IQSEC1: variants seen among roughly 807,000 people sequenced by gnomAD.
IQSEC1 encodes IQ motif and Sec7 domain ArfGEF 1, also known as IQ motif and SEC7 domain-containing protein 1.
In IQSEC1, 31 loss-of-function variants were observed where a neutral mutation model predicts 91.0. The observed-to-expected ratio is 0.34, with a 90% CI of 0.26 to 0.46. The LOEUF is 0.46. Among genes scored for constraint, IQSEC1 ranks in the 20% least tolerant of loss-of-function variants. The pLI is 1.00. For synonymous variants in IQSEC1, 699 were observed against 662.6 expected (o/e 1.05, Z -0.84); for missense variants, 1,388 against 1,575.6 (o/e 0.88, Z 2.02).
At position 13,008,619 on chromosome 3, in the gene IQSEC1, GTGTT is replaced by G. The variant is rs765226407; in HGVS notation, c.23+64369_23+64372del. Among the ~76,000 whole-genome samples the G allele has an allele frequency of 4.6e-5, 7 of 152,178 alleles. No homozygotes were observed. The South Asian group carries it at 6.2e-4, about 14-fold the overall frequency. ...TGTGATGTTGGAAATGCTCGTTTGTGTGTTTGTTTACTTGTCACCTCTCTGCCTC... is the reference window on the plus strand; with the variant it reads ...TGTGATGTTGGAAATGCTCGTTTGTGTGTTTACTTGTCACCTCTCTGCCTC... On this transcript the variant is annotated intron_variant, in intron 1 of 13. Transcript: ENST00000613206. This position sits in a 1 kb window ranked among gnomAD's most constrained non-coding sequence, Gnocchi z 4.1.
chr3:13,194,797 A>G (rs985745808), intron 1 of IQSEC1, among the ~76,000 whole-genome samples: 3 of 152,204 alleles, frequency 2.0e-5, no homozygotes, highest in African/African-American at 4.8e-5. Context: ...CCAGGCTCAG[A>G]CATCCGCAGG....
intron 2 of IQSEC1, among the ~76,000 whole-genome samples, chr3:13,087,375 G>C (rs1705754212): frequency 6.6e-6 from 1 of 152,186 alleles, no homozygotes; most frequent in East Asian, 1.9e-4. Flanking sequence ...GTGCAGGAGA[G>C]GCTCTCGGTG....
chr3:12,916,945 C>T (rs1011616360), intron 6 of IQSEC1, among the ~76,000 whole-genome samples: 2 of 152,156 alleles, frequency 1.3e-5, no homozygotes, highest in African/African-American at 2.4e-5. Context: ...CTTGCATGAG[C>T]GGAGCACAAC....
At chr3:12,943,625 T>G (rs1017220742) in intron 1 of IQSEC1, among the ~76,000 whole-genome samples, 11 of 152,068 alleles carry the variant, frequency 7.2e-5, no homozygotes, top group African/African-American at 2.2e-4. Context: ...TCCTGGTGCC[T>G]CCTTCAGACC....
chr3:13,242,237 C>T (rs530221712), intron 1 of IQSEC1, among the ~76,000 whole-genome samples: 5 of 152,240 alleles, frequency 3.3e-5, no homozygotes, highest in Admixed American at 6.5e-5. Context: ...CAGGTCTCCG[C>T]GGCTGTGATG....
intron 1 of IQSEC1, among the ~76,000 whole-genome samples, chr3:13,071,155 TTTTTTTTTTTTG>T (rs1705407967): frequency 3.4e-5 from 4 of 118,226 alleles, no homozygotes; most frequent in East Asian, 3.3e-4. Flanking sequence ...TTTTTTTTGT[TTTTTTTTTTTTG>T]TTTGTTTCTT....
chr3:13,015,602 G>T (rs953338647), intron 1 of IQSEC1: 22 of 985,246 alleles, frequency 2.2e-5, no homozygotes, highest in Non-Finnish European at 2.5e-5. Flanking sequence ...GGGGGCGGAG[G>T]TGTCCCTGGA....
chr3:13,249,034 G>A (rs1044562857), intron 1 of IQSEC1, among the ~76,000 whole-genome samples: 5 of 152,122 alleles, frequency 3.3e-5, no homozygotes, highest in Non-Finnish European at 7.3e-5. Flanking sequence ...TCTACCTCCT[G>A]ACTCAGACTG....
At chr3:13,116,496 T>C (rs1056803243) in intron 2 of IQSEC1, among the ~76,000 whole-genome samples, 3 of 152,104 alleles carry the variant, frequency 2.0e-5, no homozygotes, top group African/African-American at 4.8e-5. Flanking sequence ...GCCAAGAACA[T>C]ACAATGGGGA....
intron 1 of IQSEC1, among the ~76,000 whole-genome samples, chr3:13,054,917 C>T (rs1268684768): frequency 5.3e-5 from 8 of 152,210 alleles, no homozygotes; most frequent in African/African-American, 1.7e-4. Flanking sequence ...GAGGTTACAG[C>T]GAGGCTCCCA....
chr3:13,102,098 C>T (rs541795190), intron 2 of IQSEC1, among the ~76,000 whole-genome samples: 1 of 151,710 alleles, frequency 6.6e-6, no homozygotes, highest in East Asian at 2.0e-4. Flanking sequence ...GGCAATGTGG[C>T]GAGACCCTGT....
At chr3:13,095,809 C>A (rs1705945368) in intron 2 of IQSEC1, among the ~76,000 whole-genome samples, 1 of 152,168 alleles carries the variant, frequency 6.6e-6, no homozygotes, top group Non-Finnish European at 1.5e-5. Context: ...GCTTTTATTC[C>A]ACAGCCCCAC....
intron 1 of IQSEC1, among the ~76,000 whole-genome samples, chr3:13,267,403 A>G (rs781319646): frequency 6.6e-6 from 1 of 152,178 alleles, no homozygotes; most frequent in Non-Finnish European, 1.5e-5. Context: ...AAAAGAAACT[A>G]CATTTTACAA....
At position 13,143,247 on chromosome 3, in the gene IQSEC1, A is replaced by G. The variant is rs140353560; in HGVS notation, c.302+20857T>C. 2.5e-3 allele frequency among the ~76,000 whole-genome samples: 381 copies of G among 152,320 alleles called. 3 individuals are homozygous for G. Among genetic ancestry groups the G allele is most frequent in the Non-Finnish European group, 4.7e-3 (320 of 68,028 alleles). ...GCTTGTTGACTGAGTAACTGATGGC[A>G]CCAGGAGAAGGAGCAGGCCTCGAAG... On this transcript the variant is annotated intron_variant, in intron 2 of 15. Transcript: ENST00000648114.
intron 2 of IQSEC1, among the ~76,000 whole-genome samples, chr3:13,097,780 C>T (rs918232164): frequency 6.6e-6 from 1 of 152,178 alleles, no homozygotes; most frequent in Admixed American, 6.5e-5. Context: ...GCTGCGCATT[C>T]AACTTTAAAT....
chr3:13,178,017 C>T (rs988986417), intron 1 of IQSEC1, among the ~76,000 whole-genome samples: 6 of 152,240 alleles, frequency 3.9e-5, no homozygotes, highest in Admixed American at 2.6e-4. Flanking sequence ...GCCACACTGG[C>T]AACAGCCATG....
At chr3:13,001,127 A>T (rs1702404929) in intron 1 of IQSEC1, among the ~76,000 whole-genome samples, 2 of 151,248 alleles carry the variant, frequency 1.3e-5, no homozygotes, top group Admixed American at 6.6e-5. Flanking sequence ...TTTTTTTTAA[A>T]TTTTTTTATT....
chr3:13,134,024 A>G (rs1335574506), intron 2 of IQSEC1, among the ~76,000 whole-genome samples: 1 of 152,212 alleles, frequency 6.6e-6, no homozygotes, highest in South Asian at 2.1e-4. Flanking sequence ...TGTTTTGGGT[A>G]TGATTAGAAG....
At chr3:13,054,937 G>A (rs986310135) in intron 1 of IQSEC1, among the ~76,000 whole-genome samples, 6 of 152,238 alleles carry the variant, frequency 3.9e-5, no homozygotes, top group Non-Finnish European at 2.9e-5. Context: ...AGAAGCTGAC[G>A]GCTGGAGGCA....
Sources: allele counts gnomAD v4.1 joint callset (sites outside exome capture counted in the v4.1 genomes callset), GRCh38; gene constraint gnomAD v4.1.1; non-coding constraint Gnocchi (gnomAD v3.1); transcripts MANE v1.5; gene names NCBI Gene and HGNC (gene_info 2026-07-23, HGNC 2026-07-21).